The following SETX variants were observed in gnomAD, a reference collection of about 807,000 sequenced individuals.
SETX encodes the protein senataxin.
In SETX, 90 loss-of-function variants were observed where a neutral mutation model predicts 227.2. The ratio of observed to expected loss-of-function variants is 0.40; its 90% CI spans 0.33 to 0.47. SETX has a LOEUF of 0.47. Ranked by LOEUF, SETX falls within the 20% of genes least tolerant of loss-of-function variation. The pLI is 0.91. For synonymous variants in SETX, 1,210 were observed against 1,113.2 expected (o/e 1.09, Z -1.73); for missense variants, 3,052 against 3,181.5 (o/e 0.96, Z 0.98).
In SETX at chr9:132,333,416, T is replaced by TAC. The variant is rs764524464; in HGVS notation, c.838+1190_838+1191dup. Among the ~76,000 whole-genome samples, 704 of 88,072 alleles carry TAC rather than the reference T, an allele frequency of 8.0e-3. 20 individuals carry two copies. The highest frequency in any genetic ancestry group is 0.077 in the East Asian group (220 of 2,844). 57.8% of individuals were successfully genotyped at this position (88,072 alleles called of 152,430 possible). On this transcript the variant is annotated intron_variant, in intron 7 of 25. Coordinates refer to ENST00000224140, the MANE Select transcript of SETX (RefSeq NM_015046.7). ...AAAAAAAGAAAAAAAAAAATATATA[T>TAC]ACACACACACACACACACACACACA...
chr9:132,325,440 T>C (rs1021891836), intron 10 of SETX, among the ~76,000 whole-genome samples: 6 of 151,470 alleles, frequency 4.0e-5, no homozygotes, highest in Non-Finnish European at 8.9e-5. Context: ...TTGTGTTCAA[T>C]GTAATTCACC....
chr9:132,301,709 T>C (rs935441487), intron 11 of SETX, among the ~76,000 whole-genome samples: 2 of 152,196 alleles, frequency 1.3e-5, no homozygotes, highest in Admixed American at 6.5e-5. Flanking sequence ...TCTCATGATG[T>C]TGGCATGATG....
chr9:132,313,867 A>G (rs1700640855), intron 10 of SETX, among the ~76,000 whole-genome samples: 1 of 151,426 alleles, frequency 6.6e-6, no homozygotes, highest in Admixed American at 6.6e-5. Context: ...CTCCCTGAAC[A>G]TAAGAACATT....
At chr9:132,299,364 G>C (rs779326825) in intron 12 of SETX, among the ~76,000 whole-genome samples, 3 of 152,168 alleles carry the variant, frequency 2.0e-5, no homozygotes, top group Non-Finnish European at 4.4e-5. Context: ...GGAGTTCAGG[G>C]AATGAGACTG....
intron 10 of SETX, among the ~76,000 whole-genome samples, chr9:132,325,698 T>C (rs1011427777): frequency 5.9e-5 from 9 of 152,058 alleles, no homozygotes; most frequent in African/African-American, 1.9e-4. Context: ...AGGCCGAGGC[T>C]GGTGGATCAC....
Position 132,269,608 on chromosome 9 carries a change from T to TACCTACCATC in SETX, c.7284_7287+6dup. 3 of 1,614,084 alleles carry TACCTACCATC rather than the reference T, an allele frequency of 1.9e-6. No homozygotes were observed. Among genetic ancestry groups the TACCTACCATC allele is most frequent in the South Asian group, 2.2e-5 (2 of 91,080 alleles). On this transcript the variant is annotated splice_region_variant and intron_variant, in intron 25 of 25. Coordinates refer to ENST00000224140, the MANE Select transcript of SETX (RefSeq NM_015046.7). ...ATGGGTAAACTTCTGAGCTCTCTGG[T>TACCTACCATC]ACCTACCATCAGGGTCCTCAAATGT...
rs1230680327 is a variant in SETX, at chr9:132,307,656, T to A, written c.5374+4101A>T. ...CATAGTTCTTTTTTAAGCTTACCAG[T>A]CACCACTGGCACTTACTAGTGATTT... On this transcript the variant is annotated intron_variant, in intron 11 of 25. Transcript: ENST00000224140. Among the ~76,000 whole-genome samples the A allele has an allele frequency of 2.6e-5, 4 of 151,356 alleles. 1 individual carries two copies. In the South Asian group the frequency reaches 8.3e-4, roughly 31 times the overall value.
At chr9:132,302,660 C>CAAAA (rs35647306) in intron 11 of SETX, among the ~76,000 whole-genome samples, 6 of 33,268 alleles carry the variant, frequency 1.8e-4, no homozygotes, top group South Asian at 1.1e-3. Flanking sequence ...GACTTTGTCT[C>CAAAA]AAAAAAAAAA....
intron 1 of SETX, among the ~76,000 whole-genome samples, chr9:132,354,603 G>A (rs1589801990): frequency 1.3e-5 from 2 of 151,706 alleles, no homozygotes; most frequent in South Asian, 2.1e-4. Context: ...GAGACCTCCC[G>A]CTCAGCCCCA....
At chr9:132,343,993 G>A (rs551532178) in intron 4 of SETX, among the ~76,000 whole-genome samples, 21 of 152,208 alleles carry the variant, frequency 1.4e-4, no homozygotes, top group South Asian at 8.3e-4. Context: ...GTTGGTTTCC[G>A]TACGAACATA....
At chr9:132,322,034 G>T (rs536519020) in intron 10 of SETX, among the ~76,000 whole-genome samples, 1 of 151,834 alleles carries the variant, frequency 6.6e-6, no homozygotes, top group Admixed American at 6.6e-5. Flanking sequence ...TTACCATGAA[G>T]AATGAAACTA....
In SETX at chr9:132,316,302, T is replaced by C. The variant is rs563693244; in HGVS notation, c.5275-4446A>G. On this transcript the variant is annotated intron_variant, in intron 10 of 25. Coordinates refer to ENST00000224140, the MANE Select transcript of SETX (RefSeq NM_015046.7). ...GTTGTCCATCTTCTACTGATTTCCC[T>C]GTTTTTTGCTGTCGATTTACAAAAG... 3.9e-5 allele frequency among the ~76,000 whole-genome samples: 6 copies of C among 152,342 alleles called. No homozygotes were observed. In the South Asian group the frequency reaches 1.2e-3, roughly 32 times the overall value.
chr9:132,292,880 G>T (rs996855311), intron 15 of SETX, among the ~76,000 whole-genome samples: 1 of 151,990 alleles, frequency 6.6e-6, no homozygotes, highest in East Asian at 1.9e-4. Flanking sequence ...CTGGTGATCT[G>T]CCCGCCTCTG....
chr9:132,264,039 A>G lies in SETX; in HGVS notation c.*200T>C, dbSNP rs114940532. ...ACTTCAAGGACATTATTACGGATAC[A>G]CAATGCCCTCTGAAAGCTTTTGCAA... On this transcript the variant is annotated 3_prime_UTR_variant, in exon 26 of 26. Coordinates refer to ENST00000224140, the MANE Select transcript of SETX (RefSeq NM_015046.7). 4.5e-6 allele frequency: 3 copies of G among 660,778 alleles called. No homozygotes were observed. Among genetic ancestry groups the G allele is most frequent in the Non-Finnish European group, 7.8e-6 (3 of 387,054 alleles). The allele number at this position is 660,778 out of a possible 1,614,324, so 40.9% of individuals were successfully genotyped here.
chr9:132,329,012 T>C lies in SETX; in HGVS notation c.2586A>G (p.Val862=). Residue 862 remains valine, a synonymous_variant, in exon 10 of 26, where the codon GTA becomes GTG. Coordinates refer to ENST00000224140, the MANE Select transcript of SETX (RefSeq NM_015046.7). ...TCTTTAATTGTTTCTCTTTTGGCAA[T>C]ACATTGTTTTGAGATTTTTGTTCTC... ...KNGEQKSQNN[V]LPKEKQLKNE... 6.2e-7 allele frequency: 1 copy of C among 1,607,162 alleles called. No individual in the cohort carries two copies. The highest frequency in any genetic ancestry group is 8.5e-7 in the Non-Finnish European group (1 of 1,177,440).
At position 132,300,737 on chromosome 9, in the gene SETX, G is replaced by A; in HGVS notation, c.5441C>T (p.Ala1814Val). The A allele has an allele frequency of 6.2e-7, 1 of 1,613,554 alleles. No individual in the cohort carries two copies. The highest frequency in any genetic ancestry group is 8.5e-7 in the Non-Finnish European group (1 of 1,179,846). The stretch of plus-strand genomic sequence containing the variant: ...CTTCTCTTCATTTATTCTCTCAGGA[G>A]CTAAAAACACCAAATCGTTTTCCTT... ...YPKENDLVFL[A>V]PERINEEKKD... The change falls in exon 12 of 26, where the codon GCT (alanine) becomes GTT (valine). Residue 1814 changes from alanine (A) to valine (V), a missense_variant. By Grantham distance (64) the Ala-to-Val change is moderately conservative. Coordinates refer to ENST00000224140, the MANE Select transcript of SETX (RefSeq NM_015046.7).
intron 24 of SETX, 96 bp from the exon 25 acceptor site, chr9:132,269,798 GTC>G: frequency 6.5e-6 from 8 of 1,227,242 alleles, no homozygotes; most frequent in Non-Finnish European, 9.6e-6. Flanking sequence ...ACGTGCCCGT[GTC>G]TGACAGAGGT....
rs1846820366 is a variant in SETX at position 132,326,877 on chromosome 9, G to C, written c.4721C>G (p.Ala1574Gly). ...AGGTTTACGAAATACATCTTCATCT[G>C]CTGCTTTCACTTCAGAGTGTTTTGG... ...YCPKHSEVKA[A>G]DEDVFRKPGL... The change falls in exon 10 of 26, where the codon GCA (alanine) becomes GGA (glycine). Residue 1574 changes from alanine (A) to glycine (G), a missense_variant. Transcript: ENST00000224140. The C allele has an allele frequency of 1.2e-6, 2 of 1,614,180 alleles. No homozygotes were observed. The highest frequency in any genetic ancestry group is 2.2e-5 in the East Asian group (1 of 44,888).
Position 132,271,968 on chromosome 9 carries a change from T to C in SETX, c.7101-160A>G, listed in dbSNP as rs1474745718. On this transcript the variant is annotated intron_variant, in intron 23 of 25. Coordinates refer to ENST00000224140, the MANE Select transcript of SETX (RefSeq NM_015046.7). ...CGCGATCTCAGTTCACTGCAAGCTC[T>C]GCCTCCCGGGTTCACGCCATTCTCC... Among the ~76,000 whole-genome samples the C allele has an allele frequency of 2.6e-5, 4 of 151,776 alleles. No individual in the cohort carries two copies. In the South Asian group the frequency reaches 6.3e-4, roughly 24 times the overall value.
Sources: allele counts gnomAD v4.1 joint callset (sites outside exome capture counted in the v4.1 genomes callset), GRCh38; gene constraint gnomAD v4.1.1; transcripts MANE v1.5; gene names NCBI Gene and HGNC (gene_info 2026-07-23, HGNC 2026-07-21).